The following DPP10 variants were observed in gnomAD, a reference collection of about 807,000 sequenced individuals.
DPP10 encodes the protein inactive dipeptidyl peptidase 10.
Under a neutral mutation model 120.9 loss-of-function variants are expected in DPP10, and 33 were observed. The observed-to-expected ratio is 0.27, with a 90% confidence interval of 0.21 to 0.37. DPP10 has a LOEUF of 0.37. Ranked by LOEUF, DPP10 falls within the 10% of genes least tolerant of loss-of-function variation. DPP10 has a pLI of 1.00. For synonymous variants in DPP10, 337 were observed against 326.1 expected (o/e 1.03, Z -0.36); for missense variants, 816 against 942.8 (o/e 0.87, Z 1.76).
At chr2:114,476,505 G>T (rs1680382110) in intron 1 of DPP10, among the ~76,000 whole-genome samples, 2 of 152,008 alleles carry the variant, frequency 1.3e-5, no homozygotes, top group Non-Finnish European at 2.9e-5. Flanking sequence ...CAACACTAAG[G>T]CCCAAAAAAG....
intron 1 of DPP10, among the ~76,000 whole-genome samples, chr2:114,890,387 A>T (rs1421612779): frequency 1.3e-5 from 2 of 152,168 alleles, no homozygotes; most frequent in African/African-American, 4.8e-5. Context: ...AAGGCATAAA[A>T]CTACCACCCA....
intron 20 of DPP10, 52 bp downstream of exon 20, chr2:115,815,039 G>T (rs939442688): frequency 6.0e-6 from 9 of 1,505,728 alleles, no homozygotes; most frequent in Admixed American, 1.8e-5. Flanking sequence ...CAGAGTCTTG[G>T]TATATGACAT....
chr2:114,795,472 C>T (rs947120214), intron 1 of DPP10, among the ~76,000 whole-genome samples: 8 of 150,480 alleles, frequency 5.3e-5, no homozygotes, highest in African/African-American at 2.0e-4. Flanking sequence ...GCCTGGGCAA[C>T]AAGAGTGAAA....
At chr2:114,764,284 C>CTTT (rs201499611) in intron 1 of DPP10, among the ~76,000 whole-genome samples, 3 of 126,060 alleles carry the variant, frequency 2.4e-5, no homozygotes, top group Non-Finnish European at 5.0e-5. Flanking sequence ...CTTAAATTGC[C>CTTT]TTTTTTTTTT....
At chr2:115,086,650 G>T (rs956081201) in intron 1 of DPP10, among the ~76,000 whole-genome samples, 1 of 151,988 alleles carries the variant, frequency 6.6e-6, no homozygotes, top group Non-Finnish European at 1.5e-5. Context: ...TAGAGACAGG[G>T]TTTCACCGTG....
chr2:115,808,593 A>C (rs1237682097), intron 19 of DPP10, among the ~76,000 whole-genome samples: 1 of 152,220 alleles, frequency 6.6e-6, no homozygotes, highest in East Asian at 1.9e-4. Flanking sequence ...ATACCAAATT[A>C]AAAGCAAACG....
chr2:115,279,496 T>C (rs2060053930), intron 1 of DPP10, among the ~76,000 whole-genome samples: 1 of 152,194 alleles, frequency 6.6e-6, no homozygotes, highest in African/African-American at 2.4e-5. Flanking sequence ...TGCAGTTCAG[T>C]TGACATTTTC....
At chr2:114,503,763 A>G (rs1371408708) in intron 1 of DPP10, among the ~76,000 whole-genome samples, 4 of 152,346 alleles carry the variant, frequency 2.6e-5, no homozygotes, top group East Asian at 3.9e-4. Context: ...AAGCTTGCTG[A>G]GATTGACTGG....
intron 1 of DPP10, among the ~76,000 whole-genome samples, chr2:115,091,170 A>C (rs1709222802): frequency 6.6e-6 from 1 of 152,212 alleles, no homozygotes; most frequent in African/African-American, 2.4e-5. Context: ...AGATCAAGGC[A>C]ACACCAATGG....
intron 5 of DPP10, among the ~76,000 whole-genome samples, chr2:115,669,545 T>C (rs1052912981): frequency 2.0e-5 from 3 of 152,180 alleles, no homozygotes; most frequent in Non-Finnish European, 2.9e-5. Flanking sequence ...CCATTGTGAC[T>C]TAATAATACA....
chr2:114,888,548 C>A (rs142601209), intron 1 of DPP10, among the ~76,000 whole-genome samples: 1 of 152,214 alleles, frequency 6.6e-6, no homozygotes, highest in East Asian at 1.9e-4. Context: ...CCAGTTAACA[C>A]AAAGAATTTA....
chr2:114,690,841 A>T (rs1480087142), intron 1 of DPP10, among the ~76,000 whole-genome samples: 2 of 151,744 alleles, frequency 1.3e-5, no homozygotes, highest in Admixed American at 6.6e-5. Flanking sequence ...TTTGAATGGG[A>T]GTTCATTCAT....
chr2:115,387,034 T>A (rs140749727), intron 3 of DPP10, among the ~76,000 whole-genome samples: 250 of 152,272 alleles, frequency 1.6e-3, no homozygotes, highest in African/African-American at 5.8e-3. Flanking sequence ...TCTTTTCCGT[T>A]TTGAATGAAA....
chr2:115,005,073 A>C (rs571319316), intron 1 of DPP10, among the ~76,000 whole-genome samples: 25 of 152,140 alleles, frequency 1.6e-4, no homozygotes, highest in African/African-American at 3.4e-4. Flanking sequence ...GACCCCCGAG[A>C]AGCCTAACTG....
intron 1 of DPP10, among the ~76,000 whole-genome samples, chr2:114,725,282 C>T (rs181717738): frequency 1.4e-4 from 21 of 152,308 alleles, no homozygotes; most frequent in South Asian, 2.1e-4. Context: ...CACCGCACTA[C>T]GCATATTCAC....
At chr2:114,783,928 T>C (rs1057408685) in intron 1 of DPP10, among the ~76,000 whole-genome samples, 1 of 152,040 alleles carries the variant, frequency 6.6e-6, no homozygotes, top group African/African-American at 2.4e-5. Context: ...GAGCCTCCTT[T>C]TGTGCTCTGT....
chr2:114,701,961 A>G (rs1376943568), intron 1 of DPP10, among the ~76,000 whole-genome samples: 1 of 152,178 alleles, frequency 6.6e-6, no homozygotes, highest in Non-Finnish European at 1.5e-5. Flanking sequence ...TTCTCTAGTA[A>G]ATTAGATGAA....
At chr2:114,713,030 A>T (rs1701126937) in intron 1 of DPP10, among the ~76,000 whole-genome samples, 1 of 136,258 alleles carries the variant, frequency 7.3e-6, no homozygotes, top group African/African-American at 2.7e-5. Flanking sequence ...CTTGTTACCC[A>T]GGCTGGAGTG....
intron 1 of DPP10, among the ~76,000 whole-genome samples, chr2:114,757,091 T>A (rs1232701890): frequency 5.0e-4 from 49 of 98,876 alleles, no homozygotes; most frequent in Admixed American, 1.3e-3. Context: ...GGAGAGGGAG[T>A]AAAGGAAGGA....
Sources: gnomAD v4.1 joint callset for allele counts (sites outside exome capture counted in the v4.1 genomes callset) on GRCh38, gnomAD v4.1.1 for gene constraint, MANE v1.5 for transcripts, NCBI Gene and HGNC (gene_info 2026-07-23, HGNC 2026-07-21) for gene names.